FBXL20: variants seen among roughly 807,000 people sequenced by gnomAD.
FBXL20 encodes the protein F-box and leucine rich repeat protein 20, also known as F-box/LRR-repeat protein 20.
In FBXL20, 11 loss-of-function variants were observed where a neutral mutation model predicts 64.0. The observed-to-expected ratio is 0.17, with a 90% confidence interval of 0.11 to 0.28. The LOEUF (loss-of-function observed/expected upper bound fraction) is 0.28. Among genes scored for constraint, FBXL20 ranks in the 10% least tolerant of loss-of-function variants. The pLI is 1.00. For missense variants in FBXL20, 303 were observed against 526.2 expected (o/e 0.58, Z 4.15); for synonymous variants, 184 against 189.0 (o/e 0.97, Z 0.22).
At chr17:39,325,296 G>A (rs929630529) in intron 2 of FBXL20, among the ~76,000 whole-genome samples, 3 of 152,226 alleles carry the variant, frequency 2.0e-5, no homozygotes, top group Non-Finnish European at 2.9e-5. Flanking sequence ...GAAGGTTGGA[G>A]TGGAGAGACA....
At chr17:39,363,818 A>AAAAAC (rs1567896965) in intron 1 of FBXL20, among the ~76,000 whole-genome samples, 8 of 139,934 alleles carry the variant, frequency 5.7e-5, no homozygotes, top group African/African-American at 2.3e-4. Context: ...CTCAAAAAAA[A>AAAAAC]AAAAAAAACA....
intron 2 of FBXL20, among the ~76,000 whole-genome samples, chr17:39,312,093 C>A (rs1388102036): frequency 3.9e-5 from 6 of 152,114 alleles, no homozygotes; most frequent in African/African-American, 1.4e-4. Context: ...GAGGAGAAGA[C>A]AAATATAGTC....
chr17:39,396,465 G>A (rs554766829), intron 1 of FBXL20, among the ~76,000 whole-genome samples: 80 of 151,842 alleles, frequency 5.3e-4, no homozygotes, highest in African/African-American at 1.8e-3. Flanking sequence ...GCATGGTGGC[G>A]GGTGCCTGTA....
chr17:39,308,872 A>C (rs558047240), intron 2 of FBXL20, among the ~76,000 whole-genome samples: 2 of 152,120 alleles, frequency 1.3e-5, no homozygotes, highest in Non-Finnish European at 2.9e-5. Flanking sequence ...GCCTACAATA[A>C]AAAATTTTTT....
rs2048241565 is a variant in FBXL20, at chr17:39,401,350, C to G, written c.42+11G>C. On this transcript the variant is annotated intron_variant, in intron 1 of 14. Transcript: ENST00000264658. ...CCCTCCTCACGCCGCCCGAGCCCCC[C>G]AAGCTCACACCTCAAACCTGCTCTT... is the stretch of plus-strand genomic sequence containing the variant. The G allele has an allele frequency of 1.2e-6, 2 of 1,612,834 alleles. No individual in the cohort carries two copies. Among genetic ancestry groups the G allele is most frequent in the African/African-American group, 2.7e-5 (2 of 74,874 alleles).
intron 2 of FBXL20, among the ~76,000 whole-genome samples, chr17:39,339,892 C>T (rs2047565600): frequency 6.6e-6 from 1 of 151,904 alleles, no homozygotes; most frequent in African/African-American, 2.4e-5. Context: ...GTGATCCGCC[C>T]GTCTCAGCCT....
chr17:39,377,675 G>GT (rs932180094), intron 1 of FBXL20, among the ~76,000 whole-genome samples: 20 of 151,860 alleles, frequency 1.3e-4, no homozygotes, highest in Non-Finnish European at 2.2e-4. Context: ...TAATTTTTTT[G>GT]TATTTTTTAG....
intron 12 of FBXL20, 70 bp downstream of exon 12, chr17:39,268,757 A>T: frequency 7.4e-7 from 1 of 1,342,762 alleles, no homozygotes; most frequent in Non-Finnish European, 1.1e-6. Context: ...AGGGAATTGC[A>T]CATTCTGATG....
At chr17:39,358,925 T>C (rs2047767632) in intron 1 of FBXL20, among the ~76,000 whole-genome samples, 1 of 151,848 alleles carries the variant, frequency 6.6e-6, no homozygotes, top group Non-Finnish European at 1.5e-5. Context: ...CCAAAGAAAA[T>C]ATACAAGGGA....
At chr17:39,338,132 G>T (rs1287353385) in intron 2 of FBXL20, among the ~76,000 whole-genome samples, 1 of 152,228 alleles carries the variant, frequency 6.6e-6, no homozygotes, top group Non-Finnish European at 1.5e-5. Flanking sequence ...GAAATCGGAT[G>T]GTTGCCGTGT....
intron 2 of FBXL20, among the ~76,000 whole-genome samples, chr17:39,309,529 G>C (rs1434079210): frequency 1.3e-5 from 2 of 152,060 alleles, no homozygotes; most frequent in Admixed American, 6.6e-5. Context: ...TTTAGAGACA[G>C]AGTTTTTGCT....
chr17:39,324,229 T>C (rs2047388325), intron 2 of FBXL20, among the ~76,000 whole-genome samples: 1 of 149,938 alleles, frequency 6.7e-6, no homozygotes, highest in Admixed American at 6.6e-5. Flanking sequence ...AGCTCGGACC[T>C]ACAGATTCCT....
At chr17:39,268,311 C>T (rs991442889) in intron 12 of FBXL20, among the ~76,000 whole-genome samples, 1 of 152,044 alleles carries the variant, frequency 6.6e-6, no homozygotes. Flanking sequence ...TGAGATCTCG[C>T]CACTGCACTC....
At chr17:39,281,327 C>T (rs1273471655) in intron 9 of FBXL20, 62 bp downstream of exon 9, 1 of 1,456,584 alleles carries the variant, frequency 6.9e-7, no homozygotes. Context: ...CTTAAAATAG[C>T]TCTTAAAAAT....
rs1318056432 is a variant in FBXL20 at position 39,255,207 on chromosome 17, G to T, written c.*6253C>A. 3 of 152,114 alleles carry T rather than the reference G, an allele frequency of 2.0e-5. No homozygotes were observed. The highest frequency in any genetic ancestry group is 4.4e-5 in the Non-Finnish European group (3 of 68,040). 9.4% of individuals were successfully genotyped at this position (152,114 alleles called of 1,614,324 possible). On this transcript the variant is annotated 3_prime_UTR_variant, in exon 15 of 15. Coordinates refer to ENST00000264658, the MANE Select transcript of FBXL20 (RefSeq NM_032875.3). ...AATCCCAGCACTTTGGGAGGCCGAG[G>T]CGGGTGGATCATGAGGTCAGGAGAT...
intron 1 of FBXL20, among the ~76,000 whole-genome samples, chr17:39,381,798 A>G (rs1019909035): frequency 1.9e-4 from 26 of 138,352 alleles, no homozygotes; most frequent in South Asian, 4.6e-4. Context: ...CTCTGAAGGG[A>G]AAAAAAAAAA....
intron 1 of FBXL20, among the ~76,000 whole-genome samples, chr17:39,370,014 C>A (rs2144632953): frequency 6.6e-6 from 1 of 152,112 alleles, no homozygotes; most frequent in African/African-American, 2.4e-5. Context: ...GCAGGAGGAT[C>A]ATTTGAGCCC....
intron 1 of FBXL20, among the ~76,000 whole-genome samples, chr17:39,344,990 T>A (rs1234033897): frequency 6.6e-6 from 1 of 152,060 alleles, no homozygotes; most frequent in Non-Finnish European, 1.5e-5. Flanking sequence ...ACAAAGGAGA[T>A]CATGACTGTA....
chr17:39,281,392 G>A lies in FBXL20; in HGVS notation c.693C>T (p.Cys231=), dbSNP rs887547754. 3.7e-6 allele frequency: 6 copies of A among 1,613,454 alleles called. No individual in the cohort carries two copies. In the East Asian group the frequency reaches 6.7e-5, roughly 18 times the overall value. Residue 231 remains cysteine, a synonymous_variant, in exon 9 of 15, where the codon TGC becomes TGT. Coordinates refer to ENST00000264658, the MANE Select transcript of FBXL20 (RefSeq NM_032875.3). ...PELVTLNLQT[C]LQITDEGLIT... ...AGTTGTGAGAAGGGATGTTTACCAA[G>A]CAAGTCTGCAAGTTCAAAGTCACCA...
Sources: gnomAD v4.1 joint callset for allele counts (sites outside exome capture counted in the v4.1 genomes callset) on GRCh38, gnomAD v4.1.1 for gene constraint, MANE v1.5 for transcripts, NCBI Gene and HGNC (gene_info 2026-07-23, HGNC 2026-07-21) for gene names.